Variants in GRIA3 observed in about 807,000 individuals in gnomAD.
GRIA3 encodes the protein glutamate ionotropic receptor AMPA type subunit 3.
Under a neutral mutation model 63.0 loss-of-function variants are expected in GRIA3, and 3 were observed. The observed-to-expected ratio is 0.05, with a 90% CI of 0.02 to 0.12. The LOEUF (loss-of-function observed/expected upper bound fraction) is 0.12. GRIA3 is among the 10% of genes least tolerant of loss of function. The pLI is 1.00. For synonymous variants in GRIA3, 274 were observed against 257.9 expected (o/e 1.06, Z -0.60); for missense variants, 347 against 700.9 (o/e 0.50, Z 5.70).
At chrX:123,429,502 T>G (rs971832378) in intron 12 of GRIA3, among the ~76,000 whole-genome samples, 5 of 111,801 alleles carry the variant, frequency 4.5e-5, no homozygotes, top group Non-Finnish European at 9.4e-5. Context: ...AATCTGGCCT[T>G]GACCCTCACT....
intron 12 of GRIA3, among the ~76,000 whole-genome samples, chrX:123,458,236 G>A (rs183956881): frequency 2.4e-4 from 26 of 108,966 alleles, no homozygotes; most frequent in Middle Eastern, 4.7e-3. Context: ...CCGTGGTGCG[G>A]TGACAAAAAA....
At chrX:123,286,630 A>G (rs1277142048) in intron 3 of GRIA3, among the ~76,000 whole-genome samples, 1 of 111,858 alleles carries the variant, frequency 8.9e-6, no homozygotes, top group Non-Finnish European at 1.9e-5. Context: ...AGAGTACTAT[A>G]AACACCTCTA....
At chrX:123,344,890 T>A (rs1490239719) in intron 4 of GRIA3, among the ~76,000 whole-genome samples, 1 of 111,244 alleles carries the variant, frequency 9.0e-6, no homozygotes, top group Non-Finnish European at 1.9e-5. Flanking sequence ...GATGGAAAGG[T>A]GGTTCTTAAA....
intron 5 of GRIA3, among the ~76,000 whole-genome samples, chrX:123,384,562 T>A (rs183414098): frequency 1.8e-5 from 2 of 111,580 alleles, no homozygotes; most frequent in East Asian, 5.7e-4. Flanking sequence ...GCAGCGGAGG[T>A]TGCAGTAAGC....
intron 12 of GRIA3, among the ~76,000 whole-genome samples, chrX:123,452,477 G>A (rs1318285319): frequency 9.1e-6 from 1 of 110,482 alleles, no homozygotes; most frequent in Non-Finnish European, 1.9e-5. Flanking sequence ...AATTCTCCAG[G>A]GACCTGGAAG....
Position 123,195,882 on chromosome X carries a change from G to A in GRIA3, c.268+9892G>A, listed in dbSNP as rs772035572. 7.2e-5 allele frequency among the ~76,000 whole-genome samples: 8 copies of A among 111,202 alleles called. No homozygotes were observed. In the East Asian group the frequency reaches 2.2e-3, roughly 31 times the overall value. On this transcript the variant is annotated intron_variant, in intron 2 of 15. Transcript: ENST00000620443. ...AATATGGTAGAATTTTTTCTCCTTTGTGGAAATACTTGTGGTGCCATGTAC... is the reference window on the plus strand; with the variant it reads ...AATATGGTAGAATTTTTTCTCCTTTATGGAAATACTTGTGGTGCCATGTAC...
At chrX:123,463,620 GAAAGAAAGAAAGAAAGAAA>G (rs2045810495) in intron 12 of GRIA3, among the ~76,000 whole-genome samples, 2 of 18,760 alleles carry the variant, frequency 1.1e-4, no homozygotes, top group East Asian at 1.2e-3. Flanking sequence ...GGGAAAGAAA[GAAAGAAAGAAAGAAAGAAA>G]GAAAGAAAGA....
rs924281227 is a variant in GRIA3 at position 123,490,410 on chromosome X, T to C, written c.*1700T>C. Reference sequence around the variant, plus strand: ...AAGCTGTTGTGTTTTTGTTTTGTTTTGTTTTCATGAAACTGTGATTTTCAA... The same window carrying C: ...AAGCTGTTGTGTTTTTGTTTTGTTTCGTTTTCATGAAACTGTGATTTTCAA... On this transcript the variant is annotated 3_prime_UTR_variant, in exon 16 of 16. Transcript: ENST00000620443. 2.7e-5 allele frequency: 3 copies of C among 113,111 alleles called. No individual in the cohort carries two copies. The highest frequency in any genetic ancestry group is 5.6e-5 in the Non-Finnish European group (3 of 53,446). The allele number at this position is 113,111 out of a possible 1,213,427, so 9.3% of individuals were successfully genotyped here. A position where few individuals can be genotyped will look rare whatever the true frequency, so the allele number is the denominator to read the frequency against.
chrX:123,218,441 TTTTTG>T (rs1161492129), intron 2 of GRIA3, among the ~76,000 whole-genome samples: 5 of 111,687 alleles, frequency 4.5e-5, no homozygotes. Flanking sequence ...GATGCTGATT[TTTTTG>T]TTTTGTTTTG....
At chrX:123,255,746 T>G (rs1189739079) in intron 3 of GRIA3, among the ~76,000 whole-genome samples, 1 of 109,554 alleles carries the variant, frequency 9.1e-6, no homozygotes, top group Non-Finnish European at 1.9e-5. Flanking sequence ...GAAAGCTTTC[T>G]GACTCATGTA....
intron 3 of GRIA3, among the ~76,000 whole-genome samples, chrX:123,276,878 A>G (rs1341458032): frequency 8.9e-6 from 1 of 111,936 alleles, no homozygotes; most frequent in Non-Finnish European, 1.9e-5. Context: ...CTATTTAAAC[A>G]TAACTTTAAG....
chrX:123,206,388 C>T (rs1927887558), intron 2 of GRIA3, among the ~76,000 whole-genome samples: 1 of 112,017 alleles, frequency 8.9e-6, no homozygotes. Context: ...TCCATAGTCA[C>T]CGGCTTCTTT....
intron 4 of GRIA3, among the ~76,000 whole-genome samples, chrX:123,353,871 T>TA (rs2045115202): frequency 9.0e-6 from 1 of 111,644 alleles, no homozygotes; most frequent in African/African-American, 3.3e-5. Flanking sequence ...CAGTACTCAA[T>TA]AAAAATCCTC....
intron 12 of GRIA3, among the ~76,000 whole-genome samples, chrX:123,463,706 AAG>A (rs1569440932): frequency 3.9e-5 from 4 of 102,790 alleles, no homozygotes; most frequent in East Asian, 3.0e-4. Flanking sequence ...AAGAAAAAGA[AAG>A]AAAGAAAGAA....
chrX:123,238,915 G>C (rs1411885942), intron 2 of GRIA3, among the ~76,000 whole-genome samples: 2 of 110,042 alleles, frequency 1.8e-5, no homozygotes, highest in Non-Finnish European at 3.8e-5. Flanking sequence ...CCAGTTATGA[G>C]TTCCCTAGCA....
chrX:123,362,762 C>T (rs763434708), intron 5 of GRIA3, among the ~76,000 whole-genome samples: 8 of 110,295 alleles, frequency 7.3e-5, no homozygotes, highest in Non-Finnish European at 1.5e-4. Flanking sequence ...TGGCTATTTC[C>T]CCATTAATAG....
intron 4 of GRIA3, among the ~76,000 whole-genome samples, chrX:123,337,112 AC>A (rs1247176027): frequency 9.0e-6 from 1 of 111,711 alleles, no homozygotes; most frequent in East Asian, 2.8e-4. Flanking sequence ...TCAGTGAAGA[AC>A]CTTTGTGCCA....
At chrX:123,464,442 C>T (rs1188237059) in intron 12 of GRIA3, among the ~76,000 whole-genome samples, 3 of 111,832 alleles carry the variant, frequency 2.7e-5, no homozygotes, top group Admixed American at 9.5e-5. Context: ...AATAGCTGTA[C>T]ACTACCTTAT....
At chrX:123,192,011 A>C (rs1396843346) in intron 2 of GRIA3, among the ~76,000 whole-genome samples, 11 of 111,092 alleles carry the variant, frequency 9.9e-5, no homozygotes, top group Non-Finnish European at 1.7e-4. Flanking sequence ...ACTCTACCCA[A>C]ACTAAAGGTC....
Sources: gnomAD v4.1 joint callset for allele counts (sites outside exome capture counted in the v4.1 genomes callset) on GRCh38, gnomAD v4.1.1 for gene constraint, MANE v1.5 for transcripts, NCBI Gene and HGNC (gene_info 2026-07-23, HGNC 2026-07-21) for gene names.